The following MAGI2 variants were observed in gnomAD, a reference collection of about 807,000 sequenced individuals.
MAGI2 encodes the protein membrane-associated guanylate kinase, WW and PDZ domain-containing protein 2.
In MAGI2, 35 loss-of-function variants were observed where a neutral mutation model predicts 133.3. The observed-to-expected ratio is 0.26, with a 90% CI of 0.20 to 0.35. MAGI2 has a LOEUF of 0.35. MAGI2 is among the 10% of genes least tolerant of loss of function. The probability of loss-of-function intolerance (pLI) is 1.00; values close to 1 mark genes in which losing one functional copy is unlikely to be tolerated. For missense variants in MAGI2, 1,636 were observed against 1,863.4 expected, an observed-to-expected ratio of 0.88 and a Z score of 2.25; for synonymous variants, 729 against 710.6, an observed-to-expected ratio of 1.03 and a Z score of -0.41.
intron 2 of MAGI2, among the ~76,000 whole-genome samples, chr7:78,793,531 T>A (rs1787351661): frequency 6.6e-6 from 1 of 152,142 alleles, no homozygotes; most frequent in Admixed American, 6.5e-5. Context: ...TACAGCATCA[T>A]CTAGGATACT....
At chr7:78,494,804 A>T (rs1356224695) in intron 5 of MAGI2, among the ~76,000 whole-genome samples, 1 of 152,178 alleles carries the variant, frequency 6.6e-6, no homozygotes, top group East Asian at 1.9e-4. Flanking sequence ...AACTAGAAAC[A>T]GACTTAAAAC....
intron 9 of MAGI2, among the ~76,000 whole-genome samples, chr7:78,303,811 G>C (rs543489004): frequency 6.6e-6 from 1 of 152,234 alleles, no homozygotes; most frequent in East Asian, 1.9e-4. Context: ...TCTATACACT[G>C]ATGAGTTCCA....
intron 2 of MAGI2, among the ~76,000 whole-genome samples, chr7:78,945,272 G>A (rs1253255085): frequency 2.0e-5 from 3 of 151,874 alleles, no homozygotes; most frequent in Non-Finnish European, 4.4e-5. Context: ...ATGTTGGCCA[G>A]GCTGGTCTCA....
intron 1 of MAGI2, among the ~76,000 whole-genome samples, chr7:79,102,233 A>G (rs1818047647): frequency 6.6e-6 from 1 of 152,138 alleles, no homozygotes; most frequent in Non-Finnish European, 1.5e-5. Flanking sequence ...AATTCATTTA[A>G]TCATTTGATT....
At chr7:78,646,139 C>A (rs560303764) in intron 2 of MAGI2, among the ~76,000 whole-genome samples, 1 of 152,142 alleles carries the variant, frequency 6.6e-6, no homozygotes, top group South Asian at 2.1e-4. Context: ...AAGGAGGGAA[C>A]TTGAAGAAGG....
At chr7:78,591,772 A>G (rs1481496296) in intron 3 of MAGI2, among the ~76,000 whole-genome samples, 1 of 152,232 alleles carries the variant, frequency 6.6e-6, no homozygotes, top group Non-Finnish European at 1.5e-5. Flanking sequence ...TCATTCCCAA[A>G]TGTAAATAGG....
At chr7:79,180,249 C>CA (rs924416881) in intron 1 of MAGI2, among the ~76,000 whole-genome samples, 3 of 151,874 alleles carry the variant, frequency 2.0e-5, no homozygotes, top group East Asian at 3.9e-4. Context: ...ATTAAAAAGA[C>CA]AAAAAATAAC....
At chr7:78,931,730 T>C (rs1286152899) in intron 2 of MAGI2, among the ~76,000 whole-genome samples, 1 of 152,106 alleles carries the variant, frequency 6.6e-6, no homozygotes, top group East Asian at 1.9e-4. Context: ...GAAGAATTAC[T>C]CCTACACCAC....
Position 78,950,969 on chromosome 7 carries a change from CT to C in MAGI2, c.418+56120del, listed in dbSNP as rs761908445. The stretch of plus-strand genomic sequence containing the variant: ...TTTGTCTCTCCCACCCTAACGTTAG[CT>C]TTTTTTTTTTTTTTTTTTTGAGATG... On this transcript the variant is annotated intron_variant, in intron 2 of 21. Transcript: ENST00000354212. 7.4e-3 allele frequency among the ~76,000 whole-genome samples: 936 copies of C among 125,648 alleles called. 6 individuals carry two copies. Among genetic ancestry groups the C allele is most frequent in the African/African-American group, 0.018 (585 of 32,890 alleles). The allele number at this position is 125,648 out of a possible 152,430, so 82.4% of individuals were successfully genotyped here.
chr7:79,198,327 C>T (rs763254559), intron 1 of MAGI2, among the ~76,000 whole-genome samples: 49 of 151,772 alleles, frequency 3.2e-4, no homozygotes, highest in Middle Eastern at 3.2e-3. Context: ...TACAGTGCTG[C>T]CATTTGCACA....
At chr7:78,665,209 TC>T (rs750711002) in intron 2 of MAGI2, among the ~76,000 whole-genome samples, 125 of 152,264 alleles carry the variant, frequency 8.2e-4, no homozygotes, top group Non-Finnish European at 1.5e-3. Context: ...GTTTTAAGGT[TC>T]TTGATACGTG....
At chr7:78,947,092 T>C (rs948736032) in intron 2 of MAGI2, 1 of 152,082 alleles carries the variant, frequency 6.6e-6, no homozygotes, top group African/African-American at 2.4e-5. Flanking sequence ...TTCAAATGCT[T>C]CCAAAATTTG....
At chr7:79,317,461 T>G (rs939664398) in intron 1 of MAGI2, among the ~76,000 whole-genome samples, 8 of 151,630 alleles carry the variant, frequency 5.3e-5, no homozygotes, top group Non-Finnish European at 1.2e-4. Flanking sequence ...AAGCCAAAGG[T>G]GCATTTCGTA....
chr7:79,334,423 T>A (rs66648209), intron 1 of MAGI2, among the ~76,000 whole-genome samples: 52,693 of 152,132 alleles, frequency 0.35, 11,145 homozygotes, highest in Non-Finnish European at 0.46. Context: ...TTCTCTTTTT[T>A]ATAAGTCTTT....
At chr7:78,215,680 A>C (rs78573562) in intron 10 of MAGI2, among the ~76,000 whole-genome samples, 8 of 152,150 alleles carry the variant, frequency 5.3e-5, no homozygotes, top group Admixed American at 3.3e-4. Flanking sequence ...GCAGGAAATC[A>C]TCTTTATTGA....
intron 2 of MAGI2, among the ~76,000 whole-genome samples, chr7:78,994,713 C>G (rs1243465461): frequency 2.0e-5 from 3 of 152,014 alleles, no homozygotes; most frequent in Non-Finnish European, 4.4e-5. Context: ...TGTATAACCT[C>G]TCCAAGCCTA....
In MAGI2 at chr7:79,260,621, T is replaced by G. The variant is rs74458792; in HGVS notation, c.301+192399A>C. The stretch of plus-strand genomic sequence containing the variant: ...CAAAAATTTATGAACATTGACATGA[T>G]GCCCCAATGGAAAACTCCATACCTG... On this transcript the variant is annotated intron_variant, in intron 1 of 21. Transcript: ENST00000354212. 5.1e-3 allele frequency among the ~76,000 whole-genome samples: 773 copies of G among 152,266 alleles called. 8 individuals are homozygous for G. Among genetic ancestry groups the G allele is most frequent in the African/African-American group, 0.018 (741 of 41,538 alleles).
intron 2 of MAGI2, among the ~76,000 whole-genome samples, chr7:78,867,006 G>C (rs1029570870): frequency 7.9e-5 from 12 of 151,576 alleles, no homozygotes; most frequent in Non-Finnish European, 1.8e-4. Flanking sequence ...TCTCACACCA[G>C]TTAGAATGGC....
chr7:79,236,477 C>T (rs1160641190), intron 1 of MAGI2, among the ~76,000 whole-genome samples: 3 of 152,196 alleles, frequency 2.0e-5, no homozygotes, highest in Non-Finnish European at 4.4e-5. Context: ...GATTCAAATA[C>T]AATCAAATAT....
Sources: gnomAD v4.1 joint callset for allele counts (sites outside exome capture counted in the v4.1 genomes callset) on GRCh38, gnomAD v4.1.1 for gene constraint, MANE v1.5 for transcripts, NCBI Gene and HGNC (gene_info 2026-07-23, HGNC 2026-07-21) for gene names.